Variants in EPHA6 observed in about 807,000 individuals in gnomAD.
EPHA6 encodes ephrin type-A receptor 6.
EPHA6 carries 50 observed loss-of-function variants against 112.0 expected under a neutral mutation model. The observed-to-expected ratio is 0.45, with a 90% CI of 0.36 to 0.56. The LOEUF (loss-of-function observed/expected upper bound fraction) is 0.56, where lower values mean the gene tolerates loss of function less well. EPHA6 is among the 20% of genes least tolerant of loss of function. EPHA6 has a pLI of 0.00. For missense variants in EPHA6, 1,280 were observed against 1,417.4 expected, an observed-to-expected ratio of 0.90 and a Z score of 1.56; for synonymous variants, 529 against 490.7, an observed-to-expected ratio of 1.08 and a Z score of -1.03.
chr3:97,677,311 ATTTTACC>A (rs1406748205), intron 14 of EPHA6, among the ~76,000 whole-genome samples: 4 of 152,160 alleles, frequency 2.6e-5, no homozygotes. Flanking sequence ...ATTGATTTTA[ATTTTACC>A]TTTTTCTGTT....
chr3:97,489,145 A>G (rs1443098087), intron 10 of EPHA6, among the ~76,000 whole-genome samples: 1 of 152,224 alleles, frequency 6.6e-6, no homozygotes, highest in Non-Finnish European at 1.5e-5. Context: ...CTATTAGATT[A>G]AAAAATAAAT....
chr3:96,873,884 G>A (rs550090408), intron 2 of EPHA6, among the ~76,000 whole-genome samples: 5 of 152,054 alleles, frequency 3.3e-5, no homozygotes, highest in Non-Finnish European at 7.4e-5. Context: ...CAGCATTTCA[G>A]CATTTTACAT....
chr3:97,033,350 G>C (rs2044951979), intron 3 of EPHA6, among the ~76,000 whole-genome samples: 2 of 152,036 alleles, frequency 1.3e-5, no homozygotes, highest in South Asian at 4.1e-4. Flanking sequence ...ATTTAACCTA[G>C]GAAAATTTCC....
At chr3:97,335,444 T>C (rs1242184323) in intron 5 of EPHA6, among the ~76,000 whole-genome samples, 4 of 152,170 alleles carry the variant, frequency 2.6e-5, no homozygotes, top group African/African-American at 7.2e-5. Context: ...AACTAAGACA[T>C]CTACCAATAT....
chr3:97,076,765 T>C (rs894556641), intron 3 of EPHA6, among the ~76,000 whole-genome samples: 2 of 151,970 alleles, frequency 1.3e-5, no homozygotes, highest in African/African-American at 4.8e-5. Context: ...TGAGTGGGAG[T>C]CAGTGCTCAT....
chr3:97,586,202 G>A (rs1050480799), intron 11 of EPHA6, among the ~76,000 whole-genome samples: 9 of 152,142 alleles, frequency 5.9e-5, no homozygotes, highest in Non-Finnish European at 1.3e-4. Context: ...AGACCACAGC[G>A]AACTCCCAGC....
At chr3:97,190,453 C>T (rs574465288) in intron 3 of EPHA6, among the ~76,000 whole-genome samples, 1 of 152,194 alleles carries the variant, frequency 6.6e-6, no homozygotes, top group African/African-American at 2.4e-5. Flanking sequence ...CTCTTACTGT[C>T]ATAATTTCCC....
chr3:97,352,716 GC>G (rs138410115), intron 5 of EPHA6, among the ~76,000 whole-genome samples: 1,584 of 152,202 alleles, frequency 0.01, 10 homozygotes, highest in Non-Finnish European at 0.015. Flanking sequence ...AGATAGCTAG[GC>G]CACGAGGCCT....
At chr3:96,828,734 A>G (rs969859192) in intron 1 of EPHA6, among the ~76,000 whole-genome samples, 6 of 152,052 alleles carry the variant, frequency 3.9e-5, no homozygotes, top group African/African-American at 1.2e-4. Flanking sequence ...TCCATTCCCA[A>G]CACCTCCACA....
At chr3:97,221,141 C>T (rs1335671323) in intron 3 of EPHA6, among the ~76,000 whole-genome samples, 2 of 151,552 alleles carry the variant, frequency 1.3e-5, no homozygotes, top group South Asian at 2.1e-4. Context: ...GGTGAAACCT[C>T]GACTCTACTA....
chr3:97,438,260 A>T (rs1309154323), intron 6 of EPHA6, among the ~76,000 whole-genome samples: 7 of 152,188 alleles, frequency 4.6e-5, no homozygotes, highest in Non-Finnish European at 1.0e-4. Context: ...TATCAAGAAT[A>T]TGTATTAAAA....
At chr3:97,657,888 A>G (rs2094146133) in intron 14 of EPHA6, among the ~76,000 whole-genome samples, 1 of 151,812 alleles carries the variant, frequency 6.6e-6, no homozygotes, top group Non-Finnish European at 1.5e-5. Context: ...TAAGAGTTCC[A>G]TCTTGATTAA....
At chr3:96,942,441 G>T (rs2041017525) in intron 2 of EPHA6, among the ~76,000 whole-genome samples, 1 of 129,532 alleles carries the variant, frequency 7.7e-6, no homozygotes, top group Non-Finnish European at 1.5e-5. Flanking sequence ...CTCCTGCTGT[G>T]CTGTTATTTT....
rs1248749498 is a variant in EPHA6 at position 96,920,689 on chromosome 3, A to G, written c.450+53800A>G. ...TATAACTCATTATATTTTAATATGTATATACATTTTAGGATGTATATATGT... is the reference window on the plus strand; with the variant it reads ...TATAACTCATTATATTTTAATATGTGTATACATTTTAGGATGTATATATGT... On this transcript the variant is annotated intron_variant, in intron 2 of 17. Coordinates refer to ENST00000389672, the MANE Select transcript of EPHA6 (RefSeq NM_001080448.3). 4.6e-5 allele frequency among the ~76,000 whole-genome samples: 7 copies of G among 151,986 alleles called. No individual in the cohort carries two copies. The South Asian group carries it at 1.0e-3, about 22-fold the overall frequency.
chr3:97,747,995 G>T (rs2035786634), intron 17 of EPHA6, among the ~76,000 whole-genome samples: 1 of 151,978 alleles, frequency 6.6e-6, no homozygotes, highest in African/African-American at 2.4e-5. Context: ...TATTCTCAAA[G>T]ATTGTCTTTT....
At chr3:96,865,590 G>A (rs937436648) in intron 1 of EPHA6, among the ~76,000 whole-genome samples, 3 of 151,500 alleles carry the variant, frequency 2.0e-5, no homozygotes, top group Non-Finnish European at 2.9e-5. Flanking sequence ...GCTGAGGCAG[G>A]GGGATCGCCT....
chr3:96,843,939 A>G (rs1247873565), intron 1 of EPHA6, among the ~76,000 whole-genome samples: 3 of 152,076 alleles, frequency 2.0e-5, no homozygotes, highest in Non-Finnish European at 4.4e-5. Context: ...GAATATATTT[A>G]CATTTATGTA....
Position 96,963,160 on chromosome 3 carries a change from C to CAAA in EPHA6, c.451-24154_451-24152dup, listed in dbSNP as rs376176100. Reference sequence around the variant, plus strand: ...CTGGATGACAGAGTGAAACTGCATCCAAAAAAAAAAAAAAAAAAGAGGGGC... The same window carrying CAAA: ...CTGGATGACAGAGTGAAACTGCATCCAAAAAAAAAAAAAAAAAAAAAGAGGGGC... On this transcript the variant is annotated intron_variant, in intron 2 of 17. Coordinates refer to ENST00000389672, the MANE Select transcript of EPHA6 (RefSeq NM_001080448.3). Among the ~76,000 whole-genome samples, 195 of 85,666 alleles carry CAAA rather than the reference C, an allele frequency of 2.3e-3. 1 individual carries two copies. The highest frequency in any genetic ancestry group is 4.7e-3 in the African/African-American group (126 of 26,894). 56.2% of individuals were successfully genotyped at this position (85,666 alleles called of 152,430 possible).
At chr3:96,942,728 G>A (rs752049110) in intron 2 of EPHA6, among the ~76,000 whole-genome samples, 13 of 152,216 alleles carry the variant, frequency 8.5e-5, no homozygotes, top group African/African-American at 1.9e-4. Flanking sequence ...GCTGTAGACC[G>A]GAGCTGTTCC....
Sources: gnomAD v4.1 joint callset for allele counts (sites outside exome capture counted in the v4.1 genomes callset) on GRCh38, gnomAD v4.1.1 for gene constraint, MANE v1.5 for transcripts, NCBI Gene and HGNC (gene_info 2026-07-23, HGNC 2026-07-21) for gene names.